Variants in ANKRD11 observed in about 807,000 individuals in gnomAD.
ANKRD11 encodes the protein ankyrin repeat domain 11, also known as ankyrin repeat domain-containing protein 11.
In ANKRD11, 17 loss-of-function variants were observed where a neutral mutation model predicts 195.7. The ratio of observed to expected loss-of-function variants is 0.09; its 90% CI spans 0.06 to 0.13. The LOEUF (loss-of-function observed/expected upper bound fraction) is 0.13, where lower values mean the gene tolerates loss of function less well. ANKRD11 is among the 10% of genes least tolerant of loss of function. The pLI, the probability that ANKRD11 is intolerant of heterozygous loss-of-function variation, is 1.00. For synonymous variants in ANKRD11, 1,953 were observed against 1,528.1 expected (o/e 1.28, Z -6.49); for missense variants, 3,735 against 3,566.1 (o/e 1.05, Z -1.21).
At chr16:89,388,586 G>T (rs1183539367) in intron 2 of ANKRD11, among the ~76,000 whole-genome samples, 1 of 152,160 alleles carries the variant, frequency 6.6e-6, no homozygotes, top group Non-Finnish European at 1.5e-5. Flanking sequence ...CTCTGACTGG[G>T]AATAAGGATC....
chr16:89,362,579 C>G (rs2039778363), intron 2 of ANKRD11, among the ~76,000 whole-genome samples: 1 of 152,214 alleles, frequency 6.6e-6, no homozygotes, highest in African/African-American at 2.4e-5. Context: ...CAAAGACTTT[C>G]CTCCCCATCT....
rs190019794 is a variant in ANKRD11, at chr16:89,430,532, G to A, written c.-144-12164C>T. On this transcript the variant is annotated intron_variant, in intron 1 of 12. Transcript: ENST00000301030. ...CACAGCAGGGACTCTCAACTCTCAC[G>A]CTCAGACGTTCTAGTACACAGCAGG... 7.8e-4 allele frequency among the ~76,000 whole-genome samples: 119 copies of A among 151,604 alleles called. 1 individual carries two copies. The highest frequency in any genetic ancestry group is 2.6e-3 in the African/African-American group (107 of 41,180).
intron 2 of ANKRD11, among the ~76,000 whole-genome samples, chr16:89,362,559 A>C (rs3114867): frequency 0.51 from 77,382 of 152,150 alleles, 20,152 homozygotes; most frequent in Middle Eastern, 0.74. Context: ...AAAAAGTAGA[A>C]GTTCCTCTTC....
intron 2 of ANKRD11, among the ~76,000 whole-genome samples, chr16:89,327,541 C>G (rs973866695): frequency 6.6e-6 from 1 of 152,144 alleles, no homozygotes; most frequent in Admixed American, 6.5e-5. Context: ...AATCCAAGAT[C>G]AACACACAAA....
chr16:89,472,851 T>A (rs909576289), intron 1 of ANKRD11, among the ~76,000 whole-genome samples: 44 of 152,116 alleles, frequency 2.9e-4, no homozygotes, highest in African/African-American at 1.0e-3. Flanking sequence ...ATCTAACCAA[T>A]GGCAGAAGTC....
Position 89,490,420 on chromosome 16 carries a change from C to T in ANKRD11, c.-320G>A, listed in dbSNP as rs1420487568. ...AGGGACGGCGGGAGGCGAGCCCGCC[C>T]CTCGGGCGCGCCCACGGCTCGGGCG... On this transcript the variant is annotated 5_prime_UTR_variant, in exon 1 of 13. Transcript: ENST00000301030. The T allele has an allele frequency of 6.5e-6, 2 of 307,030 alleles. No homozygotes were observed. The highest frequency in any genetic ancestry group is 2.2e-5 in the African/African-American group (1 of 44,966). 19.0% of individuals were successfully genotyped at this position (307,030 alleles called of 1,614,324 possible). A position where few individuals can be genotyped will look rare whatever the true frequency, so the allele number is the denominator to read the frequency against.
At chr16:89,314,451 T>C (rs533495871) in intron 3 of ANKRD11, among the ~76,000 whole-genome samples, 18 of 152,286 alleles carry the variant, frequency 1.2e-4, no homozygotes, top group African/African-American at 3.8e-4. Context: ...TCAAAGCAGC[T>C]GAGCGCACAC....
chr16:89,423,634 T>C (rs936146557), intron 1 of ANKRD11, among the ~76,000 whole-genome samples: 5 of 152,228 alleles, frequency 3.3e-5, no homozygotes, highest in African/African-American at 1.2e-4. Flanking sequence ...CTCAAACATG[T>C]GAGCCCACCA....
Position 89,280,159 on chromosome 16 carries a change from T to C in ANKRD11, c.6383A>G (p.Glu2128Gly). Reference sequence around the variant, plus strand: ...GAAGGGCCCCAGGTCCAGGTCGTCCTCGGGGCCGGCGAAGGCGTCCGCCCA... The same window carrying C: ...GAAGGGCCCCAGGTCCAGGTCGTCCCCGGGGCCGGCGAAGGCGTCCGCCCA... ...VPWADAFAGP[E>G]DDLDLGPFSL... The change falls in exon 9 of 13, where the codon GAG becomes GGG. Residue 2128 changes from glutamate to glycine, a missense_variant. Physicochemically the swap from Glu to Gly is moderately conservative, Grantham distance 98. Transcript: ENST00000301030. 1 of 1,610,588 alleles carries C rather than the reference T, an allele frequency of 6.2e-7. No homozygotes were observed. Among genetic ancestry groups the C allele is most frequent in the Non-Finnish European group, 8.5e-7 (1 of 1,179,058 alleles).
intron 2 of ANKRD11, among the ~76,000 whole-genome samples, chr16:89,402,154 C>G (rs1420477084): frequency 6.6e-6 from 1 of 152,144 alleles, no homozygotes; most frequent in African/African-American, 2.4e-5. Context: ...ATCTGTGTAA[C>G]TTTTAGAGTA....
At chr16:89,457,618 C>T (rs555630511) in intron 1 of ANKRD11, among the ~76,000 whole-genome samples, 2 of 150,898 alleles carry the variant, frequency 1.3e-5, no homozygotes, top group South Asian at 4.2e-4. Flanking sequence ...AAATTCCATT[C>T]ATATGAAATT....
At chr16:89,489,687 C>T (rs1290959979) in intron 1 of ANKRD11, among the ~76,000 whole-genome samples, 1 of 151,708 alleles carries the variant, frequency 6.6e-6, no homozygotes, top group Non-Finnish European at 1.5e-5. Context: ...CCAGCGCCCC[C>T]TGGCAGCCCC....
chr16:89,475,507 A>G (rs1196007547), intron 1 of ANKRD11, among the ~76,000 whole-genome samples: 1 of 152,192 alleles, frequency 6.6e-6, no homozygotes, highest in Non-Finnish European at 1.5e-5. Context: ...TCAGGAAAAG[A>G]ATTTTGATAA....
intron 1 of ANKRD11, among the ~76,000 whole-genome samples, chr16:89,442,407 A>G (rs2043553306): frequency 6.6e-6 from 1 of 152,224 alleles, no homozygotes; most frequent in Admixed American, 6.5e-5. Context: ...CCTGTTTTGT[A>G]GAGACCAAGA....
chr16:89,284,680 T>C lies in ANKRD11; in HGVS notation c.1862A>G (p.Lys621Arg). 6.2e-7 allele frequency: 1 copy of C among 1,613,988 alleles called. No individual in the cohort carries two copies. The highest frequency in any genetic ancestry group is 8.5e-7 in the Non-Finnish European group (1 of 1,180,004). Residue 621 changes from lysine (K) to arginine (R), a missense_variant, in exon 9 of 13, where the codon AAA (lysine) becomes AGA (arginine). Physicochemically the swap from Lys to Arg is conservative, Grantham distance 26. Coordinates refer to ENST00000301030, the MANE Select transcript of ANKRD11 (RefSeq NM_013275.6). ...GACAACTTTCCCCTCCTTGTCCAGT[T>C]TGGGGACAGCGCCCTCCGCGCTGGA... ...FLSSAEGAVPKLDKEGKVVKK... is the reference protein window; with the variant it reads ...FLSSAEGAVPRLDKEGKVVKK...
intron 12 of ANKRD11, 108 bp downstream of exon 12, chr16:89,270,709 C>A (rs1224925469): frequency 9.2e-7 from 1 of 1,081,814 alleles, no homozygotes. Context: ...CATCACAGAA[C>A]TGGGCAGCGG....
At chr16:89,439,914 C>T (rs2043373459) in intron 1 of ANKRD11, among the ~76,000 whole-genome samples, 1 of 152,216 alleles carries the variant, frequency 6.6e-6, no homozygotes, top group African/African-American at 2.4e-5. Flanking sequence ...AAGTCAAAGA[C>T]TCCAGCTCTA....
intron 2 of ANKRD11, among the ~76,000 whole-genome samples, chr16:89,349,304 C>T (rs1038089756): frequency 6.6e-6 from 1 of 151,826 alleles, no homozygotes; most frequent in Non-Finnish European, 1.5e-5. Context: ...CACGGTGAAA[C>T]CCCATCTCTA....
intron 2 of ANKRD11, among the ~76,000 whole-genome samples, chr16:89,389,484 A>G (rs2041075281): frequency 6.6e-6 from 1 of 152,232 alleles, no homozygotes; most frequent in Admixed American, 6.5e-5. Context: ...AGATGGAGAC[A>G]TGAAATCGTG....
Sources: allele counts gnomAD v4.1 joint callset (sites outside exome capture counted in the v4.1 genomes callset), GRCh38; gene constraint gnomAD v4.1.1; transcripts MANE v1.5; gene names NCBI Gene and HGNC (gene_info 2026-07-23, HGNC 2026-07-21).